Variants in NAGA observed in about 807,000 individuals in gnomAD.
NAGA encodes Acetylgalactosaminidase, alpha-N- (alpha-galactosidase B).
Under a neutral mutation model 45.6 loss-of-function variants are expected in NAGA, and 42 were observed. The ratio of observed to expected loss-of-function variants is 0.92; its 90% CI spans 0.72 to 1.19. The LOEUF is 1.19. Among genes scored for constraint, NAGA ranks in the 50% most tolerant of loss-of-function variants. The probability of loss-of-function intolerance (pLI) is 0.00; values close to 1 mark genes in which losing one functional copy is unlikely to be tolerated. For missense variants in NAGA, 493 were observed against 544.8 expected, an observed-to-expected ratio of 0.90 and a Z score of 0.95; for synonymous variants, 176 against 203.1, an observed-to-expected ratio of 0.87 and a Z score of 1.13.
intron 3 of NAGA, 50 bp from the exon 4 acceptor site, chr22:42,067,340 C>A: frequency 6.2e-7 from 1 of 1,606,030 alleles, no homozygotes; most frequent in South Asian, 1.1e-5. Context: ...CTCAAGGAGC[C>A]TCCTCAAGGC....
intron 6 of NAGA, 111 bp downstream of exon 6, chr22:42,065,627 G>T (rs1270207949): frequency 7.0e-7 from 1 of 1,428,428 alleles, no homozygotes; most frequent in Non-Finnish European, 9.7e-7. Flanking sequence ...TTTCAGAAGC[G>T]CTGACCTAGA....
At chr22:42,065,471 G>A (rs1926668298) in intron 6 of NAGA, among the ~76,000 whole-genome samples, 1 of 152,212 alleles carries the variant, frequency 6.6e-6, no homozygotes, top group Admixed American at 6.5e-5. Context: ...ACAGACCCAA[G>A]TTCTTGAGCT....
At chr22:42,063,980 G>T (rs960064982) in intron 6 of NAGA, among the ~76,000 whole-genome samples, 3 of 152,158 alleles carry the variant, frequency 2.0e-5, no homozygotes, top group Non-Finnish European at 4.4e-5. Context: ...ACCAGAATGT[G>T]GAGGTTGCAG....
chr22:42,064,007 C>T (rs925028738), intron 6 of NAGA, among the ~76,000 whole-genome samples: 7 of 152,120 alleles, frequency 4.6e-5, no homozygotes, highest in African/African-American at 1.7e-4. Context: ...GAGATTGCAC[C>T]ACTGCACTCC....
intron 7 of NAGA, 73 bp downstream of exon 7, chr22:42,062,754 G>T: frequency 6.5e-7 from 1 of 1,544,524 alleles, no homozygotes. Flanking sequence ...TGCCCCCAGG[G>T]AGGCTGGCAG....
At chr22:42,065,138 C>T (rs1926647898) in intron 6 of NAGA, among the ~76,000 whole-genome samples, 1 of 152,214 alleles carries the variant, frequency 6.6e-6, no homozygotes, top group South Asian at 2.1e-4. Flanking sequence ...AGTTCCTGCT[C>T]CTCCAGGTTG....
At position 42,066,693 on chromosome 22, in the gene NAGA, G is replaced by C. The variant is rs769437615; in HGVS notation, c.597+17C>G. On this transcript the variant is annotated intron_variant, in intron 5 of 8. Coordinates refer to ENST00000396398, the MANE Select transcript of NAGA (RefSeq NM_000262.3). Reference sequence around the variant, plus strand: ...GGGTGTGGGAAGCGCCATCAGGCAGGGGGCAGAATGGCTTACCCTTGGGGG... The same window carrying C: ...GGGTGTGGGAAGCGCCATCAGGCAGCGGGCAGAATGGCTTACCCTTGGGGG... The C allele has an allele frequency of 5.1e-6, 8 of 1,583,550 alleles. No homozygotes were observed. In the South Asian group the frequency reaches 9.2e-5, roughly 18 times the overall value.
rs1347819428 is a variant in NAGA at position 42,070,731 on chromosome 22, C to T, written c.-434G>A. ...GTTCCCGCCCTGGGCTCCCCAAAAC[C>T]GCAGAGCCCCCTCCCACCGCACTTA... On this transcript the variant is annotated 5_prime_UTR_variant, in exon 1 of 9. Coordinates refer to ENST00000396398, the MANE Select transcript of NAGA (RefSeq NM_000262.3). 1 of 301,854 alleles carries T rather than the reference C, an allele frequency of 3.3e-6. No individual in the cohort carries two copies. The allele number at this position is 301,854 out of a possible 1,614,324, so 18.7% of individuals were successfully genotyped here.
At chr22:42,066,421 C>G (rs1926732644) in intron 5 of NAGA, among the ~76,000 whole-genome samples, 1 of 152,256 alleles carries the variant, frequency 6.6e-6, no homozygotes, top group African/African-American at 2.4e-5. Flanking sequence ...TGTGCCAGCA[C>G]AGATGGCTCT....
chr22:42,062,838 T>C lies in NAGA; in HGVS notation c.946A>G (p.Arg316Gly). 1 of 1,614,046 alleles carries C rather than the reference T, an allele frequency of 6.2e-7. No homozygotes were observed. The highest frequency in any genetic ancestry group is 1.1e-5 in the South Asian group (1 of 91,082). Residue 316 changes from arginine (R) to glycine (G), a missense_variant, in exon 7 of 9, where the codon AGG becomes GGG. Arg to Gly is a moderately radical substitution (Grantham distance 125). Coordinates refer to ENST00000396398, the MANE Select transcript of NAGA (RefSeq NM_000262.3). ...CCACACCCTAGTACCTTGTGAATCC[T>C]GCGTCCCTGGATGCCTAAGGGATCC... ...NQDPLGIQGR[R>G]IHKEKSLIEV... is the part of the protein sequence containing the mutation.
At position 42,067,186 on chromosome 22, in the gene NAGA, C is replaced by A. The variant is rs138260186; in HGVS notation, c.429G>T (p.Gln143His). ...TTLDKVVQDA[Q>H]TFAEWKVDML... ...TGTCTACCTTCCACTCGGCGAAGGT[C>A]TGAGCATCCTGGACCACCTTGTCCA... is the stretch of plus-strand genomic sequence containing the variant. The change falls in exon 4 of 9, where the codon CAG becomes CAT. Residue 143 changes from glutamine to histidine, a missense_variant. Physicochemically the swap from Gln to His is conservative, Grantham distance 24. Transcript: ENST00000396398. The A allele has an allele frequency of 1.9e-6, 3 of 1,614,178 alleles. No individual in the cohort carries two copies. The highest frequency in any genetic ancestry group is 2.5e-6 in the Non-Finnish European group (3 of 1,180,006).
Position 42,060,142 on chromosome 22 carries a change from T to C in NAGA, c.*137A>G. 8.5e-7 allele frequency: 1 copy of C among 1,173,838 alleles called. No individual in the cohort carries two copies. Among genetic ancestry groups the C allele is most frequent in the Non-Finnish European group, 1.3e-6 (1 of 798,436 alleles). 72.7% of individuals were successfully genotyped at this position (1,173,838 alleles called of 1,614,324 possible). On this transcript the variant is annotated 3_prime_UTR_variant, in exon 9 of 9. Transcript: ENST00000396398. ...CAGGGCATAGAACCTGGCCGTGAGA[T>C]TGCACTTTGGGTATGATGGGGTCAG...
chr22:42,068,280 A>G (rs1184366249), intron 2 of NAGA, among the ~76,000 whole-genome samples, 159 bp downstream of exon 2: 1 of 152,136 alleles, frequency 6.6e-6, no homozygotes, highest in Non-Finnish European at 1.5e-5. Context: ...CAGACAGGTC[A>G]TGGGGCTAGG....
intron 6 of NAGA, among the ~76,000 whole-genome samples, chr22:42,065,509 G>A (rs1926669722): frequency 6.6e-6 from 1 of 152,240 alleles, no homozygotes; most frequent in African/African-American, 2.4e-5. Flanking sequence ...TGCCTGGGGA[G>A]ATGGTTAACA....
intron 1 of NAGA, 29 bp from the exon 2 acceptor site, chr22:42,068,603 A>G: frequency 6.2e-7 from 1 of 1,613,166 alleles, no homozygotes; most frequent in Non-Finnish European, 8.5e-7. Context: ...GGGGATGGTG[A>G]CTATCAGTTG....
chr22:42,065,900 C>T lies in NAGA; in HGVS notation c.598-1G>A, dbSNP rs746195722. Reference sequence around the variant, plus strand: ...TGTCCGCCAGCAGACTGTAGTTCACCTGGATGTCGAGGGGAAGGCAGAGTC... The same window carrying T: ...TGTCCGCCAGCAGACTGTAGTTCACTTGGATGTCGAGGGGAAGGCAGAGTC... On this transcript the variant is annotated splice_acceptor_variant, in intron 5 of 8. Coordinates refer to ENST00000396398, the MANE Select transcript of NAGA (RefSeq NM_000262.3). LOFTEE classifies it high-confidence loss of function. The T allele has an allele frequency of 2.5e-6, 4 of 1,613,838 alleles. No homozygotes were observed. The highest frequency in any genetic ancestry group is 3.4e-6 in the Non-Finnish European group (4 of 1,179,936).
At chr22:42,066,834 G>A (rs1282364980) in intron 4 of NAGA, 30 bp from the exon 5 acceptor site, 3 of 1,584,496 alleles carry the variant, frequency 1.9e-6, no homozygotes, top group Admixed American at 3.6e-5. Flanking sequence ...TTTCAGTCCT[G>A]AGGAAGTGCA....
Position 42,059,226 on chromosome 22 carries a change from A to G in NAGA, c.*1053T>C, listed in dbSNP as rs932689523. 4.3e-4 allele frequency: 66 copies of G among 152,354 alleles called. No individual in the cohort carries two copies. Among genetic ancestry groups the G allele is most frequent in the African/African-American group, 1.5e-3 (61 of 41,572 alleles). 9.4% of individuals were successfully genotyped at this position (152,354 alleles called of 1,614,324 possible). A position where few individuals can be genotyped will look rare whatever the true frequency, so the allele number is the denominator to read the frequency against. ...AGTGCCCTGTAGCCTTGGCTAAAAGAGGAGGGCTTGGGAAATACGGACCAA... is the reference window on the plus strand; with the variant it reads ...AGTGCCCTGTAGCCTTGGCTAAAAGGGGAGGGCTTGGGAAATACGGACCAA... On this transcript the variant is annotated 3_prime_UTR_variant, in exon 9 of 9. Transcript: ENST00000396398.
Position 42,065,900 on chromosome 22 carries a change from C to G in NAGA, c.598-1G>C, listed in dbSNP as rs746195722. On this transcript the variant is annotated splice_acceptor_variant, in intron 5 of 8. Transcript: ENST00000396398. LOFTEE classifies it high-confidence loss of function. ...TGTCCGCCAGCAGACTGTAGTTCAC[C>G]TGGATGTCGAGGGGAAGGCAGAGTC... 4.3e-6 allele frequency: 7 copies of G among 1,613,838 alleles called. No homozygotes were observed. The South Asian group carries it at 7.7e-5, about 18-fold the overall frequency.
Sources: allele counts gnomAD v4.1 joint callset (sites outside exome capture counted in the v4.1 genomes callset), GRCh38; gene constraint gnomAD v4.1.1; transcripts MANE v1.5; gene names NCBI Gene and HGNC (gene_info 2026-07-23, HGNC 2026-07-21).